The following SETBP1 variants were observed in gnomAD, a reference collection of about 807,000 sequenced individuals.
SETBP1 encodes the protein SET binding protein 1, also known as SET-binding protein.
Under a neutral mutation model 101.0 loss-of-function variants are expected in SETBP1, and 9 were observed. The ratio of observed to expected loss-of-function variants is 0.09; its 90% CI spans 0.05 to 0.16. The LOEUF is 0.16. SETBP1 is among the 10% of genes least tolerant of loss of function. SETBP1 has a pLI of 1.00. For missense variants in SETBP1, 1,858 were observed against 2,033.8 expected (o/e 0.91, Z 1.66); for synonymous variants, 818 against 788.5 (o/e 1.04, Z -0.63).
intron 1 of SETBP1, among the ~76,000 whole-genome samples, chr18:44,688,629 T>A (rs1598991351): frequency 2.0e-5 from 3 of 152,202 alleles, no homozygotes; most frequent in South Asian, 4.1e-4. Flanking sequence ...ATTTTTTATA[T>A]TTGTTGTAGA....
At chr18:44,978,865 T>C (rs779757293) in intron 4 of SETBP1, among the ~76,000 whole-genome samples, 1 of 152,170 alleles carries the variant, frequency 6.6e-6, no homozygotes, top group Non-Finnish European at 1.5e-5. Context: ...AAAAAAAATA[T>C]TTAATGATCC....
At position 44,943,477 on chromosome 18, in the gene SETBP1, T is replaced by C. The variant is rs964152773; in HGVS notation, c.541-6404T>C. Among the ~76,000 whole-genome samples, 81 of 152,240 alleles carry C rather than the reference T, an allele frequency of 5.3e-4. 3 individuals are homozygous for C. The highest frequency in any genetic ancestry group is 1.5e-5 in the Non-Finnish European group (1 of 68,034). On this transcript the variant is annotated intron_variant, in intron 3 of 5. Coordinates refer to ENST00000649279, the MANE Select transcript of SETBP1 (RefSeq NM_015559.3). ...TCCTTAACCCAGACCCTGTCTTTGA[T>C]ATAATCCAGTGGTTCTCAACTCTGT...
chr18:44,887,093 G>A (rs1234956917), intron 3 of SETBP1, among the ~76,000 whole-genome samples: 1 of 152,090 alleles, frequency 6.6e-6, no homozygotes, highest in Non-Finnish European at 1.5e-5. Flanking sequence ...CTTAGTAGAT[G>A]TATGACCTTC....
chr18:44,885,725 T>G (rs1341092554), intron 3 of SETBP1, among the ~76,000 whole-genome samples: 3 of 151,404 alleles, frequency 2.0e-5, no homozygotes, highest in Non-Finnish European at 4.4e-5. Flanking sequence ...ACAACCTGAG[T>G]GCAGGTGGAC....
Position 45,008,330 on chromosome 18 carries a change from G to A in SETBP1, c.4001-30155G>A, listed in dbSNP as rs146231782. On this transcript the variant is annotated intron_variant, in intron 4 of 5. Coordinates refer to ENST00000649279, the MANE Select transcript of SETBP1 (RefSeq NM_015559.3). ...AAGCCGAGTTTTGAAATGATGTGTA[G>A]TCTTCATCGAAGACCATGTATGTCC... Among the ~76,000 whole-genome samples, 9 of 152,306 alleles carry A rather than the reference G, an allele frequency of 5.9e-5. No individual in the cohort carries two copies. The East Asian group carries it at 1.7e-3, about 29-fold the overall frequency.
intron 2 of SETBP1, among the ~76,000 whole-genome samples, chr18:44,867,185 A>T (rs2144667780): frequency 6.6e-6 from 1 of 152,368 alleles, no homozygotes; most frequent in South Asian, 2.1e-4. Context: ...ATTAAAAATG[A>T]AAAATTACAT....
Position 44,951,308 on chromosome 18 carries a change from C to G in SETBP1, c.1968C>G (p.Gly656=). 6.2e-7 allele frequency: 1 copy of G among 1,613,518 alleles called. No homozygotes were observed. Among genetic ancestry groups the G allele is most frequent in the African/African-American group, 1.3e-5 (1 of 75,014 alleles). The change falls in exon 4 of 6, where the codon GGC becomes GGG. Residue 656 remains glycine, a synonymous_variant. Coordinates refer to ENST00000649279, the MANE Select transcript of SETBP1 (RefSeq NM_015559.3). This position sits in a 1 kb window ranked among gnomAD's most constrained non-coding sequence, Gnocchi z 7.8. ...MKFHKKVGKL[G]VLDKKTIKTI... ...TTCACAAGAAAGTTGGAAAGCTCGG[C>G]GTGTTGGATAAGAAGACCATCAAAA... is the stretch of plus-strand genomic sequence containing the variant.
Position 44,882,805 on chromosome 18 carries a change from T to C in SETBP1, c.540+13522T>C, listed in dbSNP as rs1022488366. ...GGCTTCAGCAACCTTGCAGATCATTTATTCTAGGCGGGGGTGTGTGTGTGC... is the reference window on the plus strand; with the variant it reads ...GGCTTCAGCAACCTTGCAGATCATTCATTCTAGGCGGGGGTGTGTGTGTGC... On this transcript the variant is annotated intron_variant, in intron 3 of 5. Transcript: ENST00000649279. Among the ~76,000 whole-genome samples, 4 of 152,186 alleles carry C rather than the reference T, an allele frequency of 2.6e-5. No individual in the cohort carries two copies. In the East Asian group the frequency reaches 7.7e-4, roughly 29 times the overall value.
intron 4 of SETBP1, among the ~76,000 whole-genome samples, chr18:44,960,936 C>A (rs529462717): frequency 6.6e-6 from 1 of 152,352 alleles, no homozygotes; most frequent in South Asian, 2.1e-4. Flanking sequence ...CTCTTTCCCT[C>A]TCTAGCTAAA....
intron 4 of SETBP1, among the ~76,000 whole-genome samples, chr18:44,982,359 G>A (rs2072133595): frequency 2.0e-5 from 3 of 152,192 alleles, no homozygotes; most frequent in Admixed American, 1.3e-4. Flanking sequence ...CGCCTCAGGG[G>A]GCCAGAGCCA....
At chr18:44,747,304 T>A (rs1431209354) in intron 2 of SETBP1, among the ~76,000 whole-genome samples, 1 of 152,188 alleles carries the variant, frequency 6.6e-6, no homozygotes, top group Admixed American at 6.5e-5. Flanking sequence ...AGAACAACTA[T>A]AGGCTCACAC....
intron 2 of SETBP1, among the ~76,000 whole-genome samples, chr18:44,737,217 T>C (rs549247302): frequency 6.6e-6 from 1 of 152,298 alleles, no homozygotes; most frequent in Non-Finnish European, 1.5e-5. Flanking sequence ...AAGACTCACA[T>C]CTATGATCCA....
At chr18:44,780,249 A>C (rs2071098025) in intron 2 of SETBP1, among the ~76,000 whole-genome samples, 1 of 152,102 alleles carries the variant, frequency 6.6e-6, no homozygotes, top group Non-Finnish European at 1.5e-5. Flanking sequence ...CCTTTTCCTA[A>C]TATTTTACAA....
At chr18:44,848,187 A>G (rs1327862009) in intron 2 of SETBP1, among the ~76,000 whole-genome samples, 2 of 152,124 alleles carry the variant, frequency 1.3e-5, no homozygotes, top group African/African-American at 4.8e-5. Flanking sequence ...GCAAAGAGTC[A>G]GTGTGGCTGA....
intron 4 of SETBP1, chr18:44,986,982 C>T (rs1293604731): frequency 5.9e-5 from 9 of 151,894 alleles, no homozygotes; most frequent in Admixed American, 2.0e-4. Flanking sequence ...GTAACATAGT[C>T]GTTTATTATC....
chr18:44,900,670 A>G (rs1157731191), intron 3 of SETBP1, among the ~76,000 whole-genome samples: 1 of 152,182 alleles, frequency 6.6e-6, no homozygotes, highest in Non-Finnish European at 1.5e-5. Context: ...TCCTCTGGGG[A>G]CTTGTTGGAA....
intron 2 of SETBP1, among the ~76,000 whole-genome samples, chr18:44,782,312 C>CT (rs34108781): frequency 3.5e-3 from 531 of 149,802 alleles, no homozygotes; most frequent in Middle Eastern, 6.9e-3. Flanking sequence ...AAAATAAACT[C>CT]TTTTTTTTTT....
At chr18:45,048,973 C>T (rs1462041599) in intron 5 of SETBP1, among the ~76,000 whole-genome samples, 53 of 48,596 alleles carry the variant, frequency 1.1e-3, no homozygotes, top group African/African-American at 3.9e-3. Flanking sequence ...AGCGAGACTC[C>T]GTCTCAAAAA....
At chr18:44,779,964 A>G (rs1568139780) in intron 2 of SETBP1, among the ~76,000 whole-genome samples, 1 of 151,968 alleles carries the variant, frequency 6.6e-6, no homozygotes, top group Non-Finnish European at 1.5e-5. Context: ...ACACGCATGC[A>G]CACACACACG....
Sources: allele counts gnomAD v4.1 joint callset (sites outside exome capture counted in the v4.1 genomes callset), GRCh38; gene constraint gnomAD v4.1.1; non-coding constraint Gnocchi (gnomAD v3.1); transcripts MANE v1.5; gene names NCBI Gene and HGNC (gene_info 2026-07-23, HGNC 2026-07-21).